LRRFIP1: variants seen among roughly 807,000 people sequenced by gnomAD.
The protein encoded by LRRFIP1 is leucine-rich repeat flightless-interacting protein 1.
Under a neutral mutation model 104.4 loss-of-function variants are expected in LRRFIP1, and 62 were observed. The observed-to-expected ratio is 0.59, with a 90% confidence interval of 0.48 to 0.73. The LOEUF is 0.73. Among genes scored for constraint, LRRFIP1 ranks in the 30% least tolerant of loss-of-function variants. LRRFIP1 has a pLI of 0.00. For synonymous variants in LRRFIP1, 300 were observed against 299.0 expected, an observed-to-expected ratio of 1.00 and a Z score of -0.03; for missense variants, 796 against 824.5, an observed-to-expected ratio of 0.97 and a Z score of 0.42.
chr2:237,720,103 C>T (rs2094487606), intron 5 of LRRFIP1, among the ~76,000 whole-genome samples: 1 of 151,972 alleles, frequency 6.6e-6, no homozygotes, highest in South Asian at 2.1e-4. Flanking sequence ...CCTGCCGCCA[C>T]ACCTGACTAA....
chr2:237,754,949 C>T (rs1406852661), intron 15 of LRRFIP1, among the ~76,000 whole-genome samples: 13 of 152,116 alleles, frequency 8.5e-5, no homozygotes, highest in Admixed American at 8.5e-4. Context: ...CCATGCAAAG[C>T]CCCACAGGAG....
In LRRFIP1 at chr2:237,733,698, C is replaced by G. The variant is rs141929901; in HGVS notation, c.445-76C>G. The G allele has an allele frequency of 6.2e-5, 88 of 1,409,584 alleles. No individual in the cohort carries two copies. The East Asian group carries it at 1.9e-3, about 31-fold the overall frequency. 87.3% of individuals were successfully genotyped at this position (1,409,584 alleles called of 1,614,324 possible). A position where few individuals can be genotyped will look rare whatever the true frequency, so the allele number is the denominator to read the frequency against. Reference sequence around the variant, plus strand: ...TGGCTATGGTGAATGCTGAAACTATCGTGATGGCCTTTTGCTGTCATTTGT... The same window carrying G: ...TGGCTATGGTGAATGCTGAAACTATGGTGATGGCCTTTTGCTGTCATTTGT... On this transcript the variant is annotated intron_variant, in intron 8 of 23. Coordinates refer to ENST00000308482, the MANE Select transcript of LRRFIP1 (RefSeq NM_001137550.2).
chr2:237,715,667 G>A (rs2094301592), intron 3 of LRRFIP1, among the ~76,000 whole-genome samples: 1 of 152,246 alleles, frequency 6.6e-6, no homozygotes, highest in Admixed American at 6.5e-5. Context: ...CTGGGGAGGA[G>A]AGGAGGCGGC....
At chr2:237,685,084 G>A (rs1338516904) in intron 1 of LRRFIP1, among the ~76,000 whole-genome samples, 1 of 144,218 alleles carries the variant, frequency 6.9e-6, no homozygotes, top group African/African-American at 2.6e-5. Context: ...ACACTCAACA[G>A]TGTGAGACCT....
chr2:237,682,279 A>G (rs2091924766), intron 1 of LRRFIP1, among the ~76,000 whole-genome samples: 1 of 152,194 alleles, frequency 6.6e-6, no homozygotes. Flanking sequence ...GGAACAAAGT[A>G]CTTGTTCATG....
chr2:237,757,580 A>G (rs1444076221), intron 17 of LRRFIP1, 32 bp downstream of exon 17: 2 of 1,479,116 alleles, frequency 1.4e-6, no homozygotes, highest in South Asian at 1.2e-5. Flanking sequence ...AATCTACTCA[A>G]ATGGGCAGCC....
At chr2:237,701,928 C>T (rs2093555900) in intron 1 of LRRFIP1, among the ~76,000 whole-genome samples, 1 of 152,222 alleles carries the variant, frequency 6.6e-6, no homozygotes, top group Non-Finnish European at 1.5e-5. Flanking sequence ...CCATGCAGCC[C>T]AGAAAAGACC....
intron 11 of LRRFIP1, among the ~76,000 whole-genome samples, chr2:237,746,066 T>A (rs11695850): frequency 0.033 from 5,000 of 150,128 alleles, 92 homozygotes; most frequent in Middle Eastern, 0.12. Context: ...TTATTTATTT[T>A]TTTTTTTTTT....
rs191494786 is a variant in LRRFIP1 at position 237,652,087 on chromosome 2, G to A, written c.96+24347G>A. ...GTGAAAAGTAGGTGCAGGTGGTGAC[G>A]GCGGATCTTTCCATCATAAACTTGT... On this transcript the variant is annotated intron_variant, in intron 1 of 23. Transcript: ENST00000308482. Among the ~76,000 whole-genome samples the A allele has an allele frequency of 7.2e-5, 11 of 152,354 alleles. No individual in the cohort carries two copies. The East Asian group carries it at 1.9e-3, about 27-fold the overall frequency.
rs1170045976 is a variant in LRRFIP1, at chr2:237,723,614, G to C, written c.384+28G>C. ...GAGATGGTCGGATATACTTTGCTGT[G>C]TGACCTTAACTGTGTGGTGTGACCA... On this transcript the variant is annotated intron_variant, in intron 7 of 23. Coordinates refer to ENST00000308482, the MANE Select transcript of LRRFIP1 (RefSeq NM_001137550.2). 2.5e-6 allele frequency: 4 copies of C among 1,613,134 alleles called. No individual in the cohort carries two copies. The South Asian group carries it at 4.4e-5, about 18-fold the overall frequency.
intron 6 of LRRFIP1, among the ~76,000 whole-genome samples, chr2:237,722,568 A>G (rs557227747): frequency 8.5e-5 from 13 of 152,328 alleles, no homozygotes; most frequent in East Asian, 3.9e-4. Context: ...GAAATTTCCT[A>G]TAGGATGTTC....
intron 1 of LRRFIP1, among the ~76,000 whole-genome samples, chr2:237,673,621 G>C (rs1027244165): frequency 3.3e-5 from 5 of 152,234 alleles, no homozygotes; most frequent in African/African-American, 9.6e-5. Context: ...AGCTGGCGTG[G>C]TATCTGGCAC....
At chr2:237,738,399 A>G (rs888441233) in intron 10 of LRRFIP1, among the ~76,000 whole-genome samples, 1 of 152,172 alleles carries the variant, frequency 6.6e-6, no homozygotes, top group Non-Finnish European at 1.5e-5. Context: ...CAGGGTGTCC[A>G]GGGGCTGGAA....
At position 237,627,624 on chromosome 2, in the gene LRRFIP1, C is replaced by T. The variant is rs1407919411; in HGVS notation, c.-21C>T. ...GCGGCTGGAGCAACGGGCCCCGCGG[C>T]AGCTGCGGGCGACGCGGTCGATGGA... On this transcript the variant is annotated 5_prime_UTR_variant, in exon 1 of 24. Coordinates refer to ENST00000308482, the MANE Select transcript of LRRFIP1 (RefSeq NM_001137550.2). The T allele has an allele frequency of 7.8e-7, 1 of 1,280,860 alleles. No homozygotes were observed. Among genetic ancestry groups the T allele is most frequent in the Non-Finnish European group, 1.0e-6 (1 of 1,000,228 alleles). 79.3% of individuals were successfully genotyped at this position (1,280,860 alleles called of 1,614,324 possible). A position where few individuals can be genotyped will look rare whatever the true frequency, so the allele number is the denominator to read the frequency against.
chr2:237,751,365 T>G, intron 14 of LRRFIP1, 94 bp downstream of exon 14: 77 of 917,610 alleles, frequency 8.4e-5, no homozygotes, highest in Non-Finnish European at 1.2e-4. Context: ...AAGTGCATGC[T>G]TACTGTAAAT....
At chr2:237,650,831 C>T (rs2085819409) in intron 1 of LRRFIP1, among the ~76,000 whole-genome samples, 1 of 152,162 alleles carries the variant, frequency 6.6e-6, no homozygotes, top group Non-Finnish European at 1.5e-5. Flanking sequence ...CCGGGGTTTT[C>T]CCCTGCATGA....
rs1484501517 is a variant in LRRFIP1 at position 237,765,703 on chromosome 2, T to G, written c.1460-4240T>G. 3.2e-6 allele frequency: 3 copies of G among 941,240 alleles called. No individual in the cohort carries two copies. In the African/African-American group the frequency reaches 5.3e-5, roughly 17 times the overall value. The allele number at this position is 941,240 out of a possible 1,614,324, so 58.3% of individuals were successfully genotyped here. On this transcript the variant is annotated intron_variant, in intron 19 of 23. Transcript: ENST00000308482. ...TATCTGTTTTCTATATAAAAAAATT[T>G]TTTAAAATAATTGTAAAGTTAGATT...
chr2:237,678,509 T>A (rs567935792), intron 1 of LRRFIP1, among the ~76,000 whole-genome samples: 69 of 152,168 alleles, frequency 4.5e-4, no homozygotes, highest in African/African-American at 1.2e-3. Flanking sequence ...TGAAACTATT[T>A]TTTTTTCTTT....
At chr2:237,654,899 T>A (rs2086548675) in intron 1 of LRRFIP1, among the ~76,000 whole-genome samples, 1 of 151,898 alleles carries the variant, frequency 6.6e-6, no homozygotes, top group African/African-American at 2.4e-5. Context: ...CTATTCACAA[T>A]AACCAAGATA....
Sources: allele counts gnomAD v4.1 joint callset (sites outside exome capture counted in the v4.1 genomes callset), GRCh38; gene constraint gnomAD v4.1.1; transcripts MANE v1.5; gene names NCBI Gene and HGNC (gene_info 2026-07-23, HGNC 2026-07-21).